The following CYYR1 variants were observed in gnomAD, a reference collection of about 807,000 sequenced individuals.
CYYR1 encodes cysteine and tyrosine rich 1.
CYYR1 carries 14 observed loss-of-function variants against 15.2 expected under a neutral mutation model. That is an observed-to-expected ratio of 0.92 (90% CI 0.61 to 1.44). CYYR1 has a LOEUF of 1.44. Ranked by LOEUF, CYYR1 falls within the 40% of genes most tolerant of loss-of-function variation. CYYR1 has a pLI of 0.00. For missense variants in CYYR1, 228 were observed against 209.5 expected (o/e 1.09, Z -0.54); for synonymous variants, 80 against 77.4 (o/e 1.03, Z -0.18).
chr21:26,528,997 GCAAA>G (rs775298754), intron 2 of CYYR1, among the ~76,000 whole-genome samples: 1 of 152,168 alleles, frequency 6.6e-6, no homozygotes, highest in Non-Finnish European at 1.5e-5. Flanking sequence ...ATTATTAGAA[GCAAA>G]CAAAGGGCCA....
At chr21:26,476,576 CCTATCTATCATCTATCTATCTATCTAT>C (rs1175403262) in intron 3 of CYYR1, among the ~76,000 whole-genome samples, 3 of 132,456 alleles carry the variant, frequency 2.3e-5, no homozygotes, top group African/African-American at 6.2e-5. Flanking sequence ...GTTTGTCTAC[CCTATCTATCATCTATCTATCTATCTAT>C]CTATCTATCT....
chr21:26,568,957 A>AAAGGGAAT (rs1264916969), intron 1 of CYYR1: 1 of 152,200 alleles, frequency 6.6e-6, no homozygotes, highest in Non-Finnish European at 1.5e-5. Context: ...CCTGTGGAGA[A>AAAGGGAAT]AAGGGAATAC....
At chr21:26,510,960 G>T (rs1036551598) in intron 2 of CYYR1, among the ~76,000 whole-genome samples, 4 of 152,130 alleles carry the variant, frequency 2.6e-5, no homozygotes, top group African/African-American at 9.7e-5. Flanking sequence ...TGGGTCTTCT[G>T]GAATTCCTCA....
At chr21:26,487,338 AG>A in intron 2 of CYYR1, among the ~76,000 whole-genome samples, 1 of 152,254 alleles carries the variant, frequency 6.6e-6, no homozygotes, top group South Asian at 2.1e-4. Context: ...TTGTTAAAGA[AG>A]GTAATATTTA....
chr21:26,472,217 A>G (rs982833004), intron 3 of CYYR1, among the ~76,000 whole-genome samples: 2 of 152,134 alleles, frequency 1.3e-5, no homozygotes, highest in African/African-American at 2.4e-5. Context: ...CATATTCTTC[A>G]TAAGCTTTAT....
At chr21:26,473,538 C>T (rs917116675) in intron 3 of CYYR1, among the ~76,000 whole-genome samples, 1 of 152,082 alleles carries the variant, frequency 6.6e-6, no homozygotes, top group South Asian at 2.1e-4. Flanking sequence ...CTTTGCACAT[C>T]GATTTGTTAA....
At chr21:26,547,071 A>C (rs1274424358) in intron 2 of CYYR1, among the ~76,000 whole-genome samples, 1 of 152,112 alleles carries the variant, frequency 6.6e-6, no homozygotes, top group African/African-American at 2.4e-5. Flanking sequence ...CCAGGGTGCA[A>C]GGACTCATTT....
chr21:26,507,208 A>T (rs1180739915), intron 2 of CYYR1, among the ~76,000 whole-genome samples: 1 of 152,208 alleles, frequency 6.6e-6, no homozygotes, highest in Non-Finnish European at 1.5e-5. Flanking sequence ...GCCACCAGTT[A>T]CAACAGCATA....
chr21:26,512,972 A>G (rs1426633910), intron 2 of CYYR1, among the ~76,000 whole-genome samples: 1 of 152,170 alleles, frequency 6.6e-6, no homozygotes, highest in African/African-American at 2.4e-5. Flanking sequence ...CACAATCTGG[A>G]TGCAGACCAG....
At chr21:26,477,033 G>A (rs1186905702) in intron 3 of CYYR1, among the ~76,000 whole-genome samples, 2 of 152,106 alleles carry the variant, frequency 1.3e-5, no homozygotes, top group African/African-American at 4.8e-5. Context: ...GGTCAGGTAT[G>A]ACAGCTGAAT....
intron 2 of CYYR1, among the ~76,000 whole-genome samples, chr21:26,526,476 TA>T (rs1325557640): frequency 6.6e-6 from 1 of 151,752 alleles, no homozygotes; most frequent in Non-Finnish European, 1.5e-5. Flanking sequence ...ACAAAAAAGT[TA>T]AAAAAAATTA....
chr21:26,510,378 G>C (rs1435338584), intron 2 of CYYR1, among the ~76,000 whole-genome samples: 1 of 152,190 alleles, frequency 6.6e-6, no homozygotes, highest in African/African-American at 2.4e-5. Context: ...AGCCAGTGAG[G>C]TAGGGAGCTG....
At chr21:26,530,942 G>A (rs1312339581) in intron 2 of CYYR1, among the ~76,000 whole-genome samples, 1 of 152,126 alleles carries the variant, frequency 6.6e-6, no homozygotes, top group East Asian at 1.9e-4. Flanking sequence ...ATGATGCAAT[G>A]TGACTGTTTT....
At chr21:26,526,913 GC>G (rs2065874217) in intron 2 of CYYR1, among the ~76,000 whole-genome samples, 1 of 152,220 alleles carries the variant, frequency 6.6e-6, no homozygotes, top group Non-Finnish European at 1.5e-5. Context: ...CTACTTGGGA[GC>G]ACATGATGTG....
intron 2 of CYYR1, chr21:26,482,365 G>A (rs2065193155): frequency 1.0e-6 from 1 of 985,162 alleles, no homozygotes; most frequent in East Asian, 1.1e-4. Context: ...CACATTATCA[G>A]TAGCTTTTTC....
rs375215455 is a variant in CYYR1, at chr21:26,566,255, C to T, written c.176+11G>A. On this transcript the variant is annotated intron_variant, in intron 2 of 3. Transcript: ENST00000652641. Reference sequence around the variant, plus strand: ...AGAGCATCAGTATTGCCAAATCTGACGAATACTCACGAGAGGATATTCCCA... The same window carrying T: ...AGAGCATCAGTATTGCCAAATCTGATGAATACTCACGAGAGGATATTCCCA... The T allele has an allele frequency of 8.7e-5, 139 of 1,597,834 alleles. No individual in the cohort carries two copies. Among genetic ancestry groups the T allele is most frequent in the Admixed American group, 2.8e-4 (17 of 59,874 alleles).
intron 2 of CYYR1, among the ~76,000 whole-genome samples, chr21:26,506,120 C>T (rs2065558414): frequency 6.6e-6 from 1 of 152,062 alleles, no homozygotes; most frequent in Admixed American, 6.5e-5. Flanking sequence ...CACCCATTTC[C>T]CAAAGGTTCA....
At chr21:26,569,981 C>G (rs1245563597) in intron 1 of CYYR1, among the ~76,000 whole-genome samples, 2 of 152,130 alleles carry the variant, frequency 1.3e-5, no homozygotes, top group African/African-American at 2.4e-5. Flanking sequence ...AATTAAACTA[C>G]CCAAAAGGGG....
intron 2 of CYYR1, among the ~76,000 whole-genome samples, chr21:26,562,799 A>AACACGCACAC (rs1980322664): frequency 7.5e-6 from 1 of 132,492 alleles, no homozygotes; most frequent in African/African-American, 2.9e-5. Context: ...GACATACACA[A>AACACGCACAC]ACACACACAC....
Sources: allele counts gnomAD v4.1 joint callset (sites outside exome capture counted in the v4.1 genomes callset), GRCh38; gene constraint gnomAD v4.1.1; transcripts MANE v1.5; gene names NCBI Gene and HGNC (gene_info 2026-07-23, HGNC 2026-07-21).